The following CTU2 variants were observed in gnomAD, a reference collection of about 807,000 sequenced individuals.
CTU2 encodes the protein cytosolic thiouridylase subunit 2.
Under a neutral mutation model 64.1 loss-of-function variants are expected in CTU2, and 80 were observed. The observed-to-expected ratio is 1.25, with a 90% CI of 1.04 to 1.50. CTU2 has a LOEUF of 1.50. Ranked by LOEUF, CTU2 falls within the 40% of genes most tolerant of loss-of-function variation. The probability of loss-of-function intolerance (pLI) is 0.00; values close to 1 mark genes in which losing one functional copy is unlikely to be tolerated. For missense variants in CTU2, 1,110 were observed against 690.2 expected (o/e 1.61, Z -6.81); for synonymous variants, 482 against 285.3 (o/e 1.69, Z -6.95).
chr16:88,707,074 CCA>C (rs1267092743), intron 1 of CTU2, 60 bp from the exon 2 acceptor site: 2 of 1,542,912 alleles, frequency 1.3e-6, no homozygotes, highest in East Asian at 4.5e-5. Flanking sequence ...TCCCCAAAGC[CCA>C]CTAGGCGTGG....
chr16:88,713,727 C>T lies in CTU2; in HGVS notation c.954C>T (p.Tyr318=), dbSNP rs553820121. ...ACACCCTGAAGGAGGTCGCTTTCTACAACCGCCTGTTCTCCGTTCCTTCTG... is the reference window on the plus strand; with the variant it reads ...ACACCCTGAAGGAGGTCGCTTTCTATAACCGCCTGTTCTCCGTTCCTTCTG... ...RDHTLKEVAF[Y]NRLFSVPSVF... The change falls in exon 9 of 15, where the codon TAC becomes TAT. Residue 318 remains tyrosine (Y), a synonymous_variant. Coordinates refer to ENST00000453996, the MANE Select transcript of CTU2 (RefSeq NM_001012759.3). 1.2e-4 allele frequency: 195 copies of T among 1,612,724 alleles called. 3 individuals carry two copies. In the South Asian group the frequency reaches 2.0e-3, roughly 16 times the overall value.
At chr16:88,712,554 G>A in intron 6 of CTU2, 68 bp from the exon 7 acceptor site, 1 of 1,563,736 alleles carries the variant, frequency 6.4e-7, no homozygotes, top group Non-Finnish European at 8.7e-7. Flanking sequence ...ATCCCGGAAG[G>A]TGGGGCTGTC....
Position 88,714,843 on chromosome 16 carries a change from C to G in CTU2, c.1353-17C>G. Reference sequence around the variant, plus strand: ...TGAGGTGCCAAGGTGGGCACACAGCCAGCTCTGCTCCCGCAGGGAGGACCC... The same window carrying G: ...TGAGGTGCCAAGGTGGGCACACAGCGAGCTCTGCTCCCGCAGGGAGGACCC... On this transcript the variant is annotated splice_polypyrimidine_tract_variant and intron_variant, in intron 12 of 14. Coordinates refer to ENST00000453996, the MANE Select transcript of CTU2 (RefSeq NM_001012759.3). 6.2e-7 allele frequency: 1 copy of G among 1,612,516 alleles called. No homozygotes were observed. Among genetic ancestry groups the G allele is most frequent in the African/African-American group, 1.3e-5 (1 of 75,058 alleles).
At chr16:88,712,546 C>T (rs546406529) in intron 6 of CTU2, 76 bp from the exon 7 acceptor site, 6 of 1,550,798 alleles carry the variant, frequency 3.9e-6, no homozygotes, top group Admixed American at 1.9e-5. Flanking sequence ...TCTCCCGCAT[C>T]CCGGAAGGTG....
intron 2 of CTU2, among the ~76,000 whole-genome samples, chr16:88,708,554 G>T (rs1374425083): frequency 6.6e-6 from 1 of 152,142 alleles, no homozygotes; most frequent in African/African-American, 2.4e-5. Flanking sequence ...GGTCCTGGGG[G>T]TCACTTCCCA....
intron 2 of CTU2, among the ~76,000 whole-genome samples, chr16:88,708,687 G>C (rs944991573): frequency 2.0e-5 from 3 of 152,110 alleles, no homozygotes; most frequent in African/African-American, 7.2e-5. Context: ...TCTTGTACGT[G>C]GTATCCATTC....
chr16:88,714,721 CA>C lies in CTU2; in HGVS notation c.1337del (p.Gln446ArgfsTer23), dbSNP rs1911764472. On this transcript the variant is annotated frameshift_variant, in exon 12 of 15. Coordinates refer to ENST00000453996, the MANE Select transcript of CTU2 (RefSeq NM_001012759.3). LOFTEE classifies it high-confidence loss of function. The part of the protein sequence containing the change: ...PGVGWAQRCG[Q>X]GACRREDPQA... ...GGTGGGCTGGGCCCAGCGCTGTGGC[CA>C]GGGGGCCTGCAGGAGGTGAGTCCCT... 1.2e-6 allele frequency: 2 copies of C among 1,608,092 alleles called. No homozygotes were observed. Among genetic ancestry groups the C allele is most frequent in the East Asian group, 2.2e-5 (1 of 44,678 alleles).
intron 1 of CTU2, 114 bp from the exon 2 acceptor site, chr16:88,707,022 G>A (rs902599216): frequency 3.1e-6 from 3 of 965,276 alleles, no homozygotes; most frequent in Admixed American, 3.7e-5. Flanking sequence ...GTACCGAGGT[G>A]CCTTTCTCTG....
intron 12 of CTU2, 22 bp downstream of exon 12, chr16:88,714,759 C>T: frequency 1.2e-6 from 2 of 1,605,408 alleles, no homozygotes; most frequent in Non-Finnish European, 1.7e-6. Flanking sequence ...TCCCTGCCAC[C>T]CATGGCCAGC....
At position 88,711,997 on chromosome 16, in the gene CTU2, G is replaced by C. The variant is rs966185125; in HGVS notation, c.344-277G>C. 3 of 611,588 alleles carry C rather than the reference G, an allele frequency of 4.9e-6. No homozygotes were observed. In the African/African-American group the frequency reaches 5.8e-5, roughly 12 times the overall value. 37.9% of individuals were successfully genotyped at this position (611,588 alleles called of 1,614,324 possible). A position where few individuals can be genotyped will look rare whatever the true frequency, so the allele number is the denominator to read the frequency against. Reference sequence around the variant, plus strand: ...TCACGGGGTCTGGGGACAAAGAAGGGCAAGTTAAGTGCTGATGGTGAGCGG... The same window carrying C: ...TCACGGGGTCTGGGGACAAAGAAGGCCAAGTTAAGTGCTGATGGTGAGCGG... On this transcript the variant is annotated intron_variant, in intron 5 of 14. Coordinates refer to ENST00000453996, the MANE Select transcript of CTU2 (RefSeq NM_001012759.3).
intron 4 of CTU2, chr16:88,710,526 G>C (rs922876234): frequency 4.0e-5 from 22 of 543,870 alleles, no homozygotes; most frequent in Non-Finnish European, 6.6e-5. Context: ...CAGAAGCTGG[G>C]TCCACAGCGC....
At position 88,706,669 on chromosome 16, in the gene CTU2, C is replaced by T. The variant is rs998725126; in HGVS notation, c.68+71C>T. 5.1e-6 allele frequency: 6 copies of T among 1,174,190 alleles called. No homozygotes were observed. The South Asian group carries it at 6.0e-5, about 12-fold the overall frequency. The allele number at this position is 1,174,190 out of a possible 1,614,324, so 72.7% of individuals were successfully genotyped here. On this transcript the variant is annotated intron_variant, in intron 1 of 14. Transcript: ENST00000453996. ...GCCGCACTCCTGCCCCGAAGGGTCC[C>T]GGCCGGGCTTGCTCCGGGAAGCCCC...
chr16:88,713,829 C>T lies in CTU2; in HGVS notation c.1005+51C>T, dbSNP rs377073515. 430 of 1,606,938 alleles carry T rather than the reference C, an allele frequency of 2.7e-4. 1 individual carries two copies. The highest frequency in any genetic ancestry group is 9.0e-4 in the Admixed American group (54 of 59,752). On this transcript the variant is annotated intron_variant, in intron 9 of 14. Coordinates refer to ENST00000453996, the MANE Select transcript of CTU2 (RefSeq NM_001012759.3). ...CTCTCACCATTGACACCGGGGTGGGCCATGTGGGCTGGGCAGCCTCTCACA... is the reference window on the plus strand; with the variant it reads ...CTCTCACCATTGACACCGGGGTGGGTCATGTGGGCTGGGCAGCCTCTCACA...
Position 88,714,717 on chromosome 16 carries a change from T to C in CTU2, c.1332T>C (p.Cys444=), listed in dbSNP as rs8043637. The C allele has an allele frequency of 0.89, 1,434,000 of 1,608,276 alleles. 639,706 individuals carry two copies. The highest frequency in any genetic ancestry group is 0.93 in the Middle Eastern group (5,649 of 6,050). The part of the protein sequence containing the change: ...CSPGVGWAQR[C]GQGACRREDP... ...CAGGGGTGGGCTGGGCCCAGCGCTGTGGCCAGGGGGCCTGCAGGAGGTGAG... is the reference window on the plus strand; with the variant it reads ...CAGGGGTGGGCTGGGCCCAGCGCTGCGGCCAGGGGGCCTGCAGGAGGTGAG... The change falls in exon 12 of 15, where the codon TGT becomes TGC. Residue 444 remains cysteine, a synonymous_variant. Coordinates refer to ENST00000453996, the MANE Select transcript of CTU2 (RefSeq NM_001012759.3).
intron 4 of CTU2, among the ~76,000 whole-genome samples, chr16:88,711,066 G>A (rs904097989): frequency 6.6e-6 from 1 of 152,188 alleles, no homozygotes; most frequent in African/African-American, 2.4e-5. Context: ...GAGAGGGGTC[G>A]GCTTTGCCGG....
chr16:88,715,160 C>T (rs762655334), intron 14 of CTU2, 22 bp from the exon 15 acceptor site: 7 of 1,610,356 alleles, frequency 4.3e-6, no homozygotes, highest in East Asian at 2.2e-5. Flanking sequence ...GGGGCTGGTG[C>T]CCACTGCAGC....
rs146775425 is a variant in CTU2, at chr16:88,712,815, C to A, written c.647C>A (p.Pro216Gln). 7 of 1,603,294 alleles carry A rather than the reference C, an allele frequency of 4.4e-6. No individual in the cohort carries two copies. The African/African-American group carries it at 9.4e-5, about 21-fold the overall frequency. ...PPLDPQNLARPPAPAQTEALS... is the reference protein window; with the variant it reads ...PPLDPQNLARQPAPAQTEALS... ...CTGGACCCCCAGAACCTGGCAAGAC[C>A]GCCTGCCCCTGCCCAGACTGAGGCT... is the stretch of plus-strand genomic sequence containing the variant. Residue 216 changes from proline to glutamine, a missense_variant, in exon 7 of 15, where the codon CCG becomes CAG. Coordinates refer to ENST00000453996, the MANE Select transcript of CTU2 (RefSeq NM_001012759.3).
intron 1 of CTU2, 148 bp downstream of exon 1, chr16:88,706,746 G>A (rs149449710): frequency 5.2e-6 from 3 of 573,462 alleles, no homozygotes; most frequent in African/African-American, 2.0e-5. Flanking sequence ...CCTGTCAAGC[G>A]GTGACGGCCA....
intron 9 of CTU2, 147 bp from the exon 10 acceptor site, chr16:88,713,989 G>A: frequency 1.2e-5 from 12 of 1,033,538 alleles, no homozygotes; most frequent in Non-Finnish European, 7.2e-6. Flanking sequence ...GCTGAAGCGG[G>A]TTCTCTGGCT....
Sources: gnomAD v4.1 joint callset for allele counts (sites outside exome capture counted in the v4.1 genomes callset) on GRCh38, gnomAD v4.1.1 for gene constraint, MANE v1.5 for transcripts, NCBI Gene and HGNC (gene_info 2026-07-23, HGNC 2026-07-21) for gene names.